Variants in TASP1 observed in about 807,000 individuals in gnomAD.
The protein encoded by TASP1 is taspase 1, also known as threonine aspartase 1.
Under a neutral mutation model 56.6 loss-of-function variants are expected in TASP1, and 16 were observed. The ratio of observed to expected loss-of-function variants is 0.28; its 90% confidence interval spans 0.19 to 0.43. The LOEUF (loss-of-function observed/expected upper bound fraction) is 0.43. Ranked by LOEUF, TASP1 falls within the 20% of genes least tolerant of loss-of-function variation. The pLI, the probability that TASP1 is intolerant of heterozygous loss-of-function variation, is 1.00. For synonymous variants in TASP1, 179 were observed against 184.2 expected (o/e 0.97, Z 0.23); for missense variants, 393 against 511.6 (o/e 0.77, Z 2.24).
chr20:13,240,630 G>A, the TASP1 span, among the ~76,000 whole-genome samples: 1 of 152,230 alleles, frequency 6.6e-6, no homozygotes, highest in Admixed American at 6.5e-5. Flanking sequence ...TAGGATTGGT[G>A]AGGAAGCAGC....
At chr20:13,577,458 G>A (rs757924026) in intron 6 of TASP1, among the ~76,000 whole-genome samples, 6 of 152,076 alleles carry the variant, frequency 3.9e-5, no homozygotes, top group Non-Finnish European at 7.4e-5. Flanking sequence ...GCACTGAATT[G>A]TGTCCACCCA....
intron 11 of TASP1, among the ~76,000 whole-genome samples, chr20:13,461,473 A>G (rs2044049354): frequency 6.6e-6 from 1 of 152,148 alleles, no homozygotes; most frequent in East Asian, 1.9e-4. Flanking sequence ...ATAAGAAAAT[A>G]TATGTTTTGG....
chr20:13,233,000 T>C, the TASP1 span, among the ~76,000 whole-genome samples: 1 of 150,262 alleles, frequency 6.7e-6, no homozygotes, highest in African/African-American at 2.5e-5. Flanking sequence ...GTGGGGGTTG[T>C]GAAAAGAAAA....
intron 5 of TASP1, among the ~76,000 whole-genome samples, chr20:13,586,174 CAAAAAAAAA>C (rs35005769): frequency 1.9e-5 from 1 of 53,202 alleles, no homozygotes; most frequent in South Asian, 7.6e-4. Context: ...GACTCCATCT[CAAAAAAAAA>C]AAAAAAAAAA....
the TASP1 span, among the ~76,000 whole-genome samples, chr20:13,174,201 T>G: frequency 6.6e-6 from 1 of 152,148 alleles, no homozygotes; most frequent in South Asian, 2.1e-4. Flanking sequence ...TTTAGAAAAT[T>G]ATTGTTCATC....
intron 11 of TASP1, among the ~76,000 whole-genome samples, chr20:13,462,218 T>TTAAGC (rs2044080138): frequency 6.6e-6 from 1 of 152,168 alleles, no homozygotes; most frequent in Non-Finnish European, 1.5e-5. Flanking sequence ...GAGAAATGAA[T>TTAAGC]CACTCAAGAT....
chr20:13,342,695 T>C, the TASP1 span, among the ~76,000 whole-genome samples: 1 of 152,208 alleles, frequency 6.6e-6, no homozygotes, highest in African/African-American at 2.4e-5. Context: ...GAGTTTTCTC[T>C]GCTAGCACAT....
chr20:13,318,346 A>G, the TASP1 span, among the ~76,000 whole-genome samples: 1 of 152,180 alleles, frequency 6.6e-6, no homozygotes, highest in Non-Finnish European at 1.5e-5. Flanking sequence ...AAGGATGTGG[A>G]GCAACAGGAA....
chr20:13,256,330 AG>A, the TASP1 span, among the ~76,000 whole-genome samples: 1 of 140,956 alleles, frequency 7.1e-6, no homozygotes. Flanking sequence ...CAGGAGGTGG[AG>A]GTTACACTGA....
chr20:13,608,700 T>C (rs1048141823), intron 4 of TASP1, among the ~76,000 whole-genome samples: 1 of 152,288 alleles, frequency 6.6e-6, no homozygotes, highest in African/African-American at 2.4e-5. Flanking sequence ...AAAATCATTC[T>C]TAGTTTGCAG....
intron 4 of TASP1, among the ~76,000 whole-genome samples, chr20:13,588,638 A>C (rs1249212082): frequency 6.6e-6 from 1 of 152,240 alleles, no homozygotes; most frequent in Non-Finnish European, 1.5e-5. Context: ...AAAAACTGTA[A>C]AACACATTGA....
chr20:13,396,861 T>C lies in TASP1; in HGVS notation c.1171-6409A>G, dbSNP rs148027709. On this transcript the variant is annotated intron_variant, in intron 13 of 13. Coordinates refer to ENST00000337743, the MANE Select transcript of TASP1 (RefSeq NM_017714.3). ...TTGTTAGCACTGAAACAGGGATATA[T>C]ACAGGGCAAAAAGTTCTATTGTTCT... Among the ~76,000 whole-genome samples, 552 of 152,344 alleles carry C rather than the reference T, an allele frequency of 3.6e-3. 4 individuals are homozygous for C. Among genetic ancestry groups the C allele is most frequent in the Non-Finnish European group, 5.7e-3 (385 of 68,032 alleles).
chr20:13,267,508 G>A, the TASP1 span, among the ~76,000 whole-genome samples: 21 of 152,246 alleles, frequency 1.4e-4, no homozygotes, highest in Admixed American at 1.2e-3. Context: ...CTAATCCTGC[G>A]GGGAGGGTAC....
At chr20:13,604,336 A>G (rs537270753) in intron 4 of TASP1, among the ~76,000 whole-genome samples, 6 of 152,108 alleles carry the variant, frequency 3.9e-5, no homozygotes, top group Non-Finnish European at 8.8e-5. Flanking sequence ...GTATGAGTCC[A>G]TGTGAGATCT....
At chr20:13,328,464 C>A in the TASP1 span, among the ~76,000 whole-genome samples, 1 of 152,006 alleles carries the variant, frequency 6.6e-6, no homozygotes, top group African/African-American at 2.4e-5. Context: ...GGGTATATAC[C>A]CCCCAAAATA....
At chr20:13,465,642 A>G (rs985929822) in intron 11 of TASP1, among the ~76,000 whole-genome samples, 1 of 152,150 alleles carries the variant, frequency 6.6e-6, no homozygotes, top group African/African-American at 2.4e-5. Flanking sequence ...ACCAGGGAAT[A>G]CCACTCAGTA....
At chr20:13,363,990 G>A in the TASP1 span, among the ~76,000 whole-genome samples, 392 of 152,150 alleles carry the variant, frequency 2.6e-3, 10 homozygotes, top group East Asian at 0.069. Flanking sequence ...CCTATGAGGA[G>A]ATTTGTATAT....
chr20:13,528,846 T>C (rs2045097512), intron 9 of TASP1, among the ~76,000 whole-genome samples: 1 of 151,706 alleles, frequency 6.6e-6, no homozygotes, highest in South Asian at 2.1e-4. Context: ...ACCAATGTGG[T>C]TGGCTTAAAA....
chr20:13,501,097 C>G (rs1203251986), intron 10 of TASP1, among the ~76,000 whole-genome samples: 1 of 151,876 alleles, frequency 6.6e-6, no homozygotes, highest in East Asian at 1.9e-4. Context: ...AAGAAAAAAG[C>G]CAACACAGAA....
Sources: allele counts gnomAD v4.1 joint callset (sites outside exome capture counted in the v4.1 genomes callset), GRCh38; gene constraint gnomAD v4.1.1; transcripts MANE v1.5; gene names NCBI Gene and HGNC (gene_info 2026-07-23, HGNC 2026-07-21).